CDH23: variants seen among roughly 807,000 people sequenced by gnomAD.
CDH23 encodes cadherin related 23, also known as cadherin-23.
In CDH23, 189 loss-of-function variants were observed where a neutral mutation model predicts 317.1. The ratio of observed to expected loss-of-function variants is 0.60; its 90% CI spans 0.53 to 0.67. The LOEUF is 0.67. Ranked by LOEUF, CDH23 falls within the 30% of genes least tolerant of loss-of-function variation. CDH23 has a pLI of 0.00. For missense variants in CDH23, 4,401 were observed against 4,592.4 expected (o/e 0.96, Z 1.20); for synonymous variants, 1,839 against 1,876.8 (o/e 0.98, Z 0.52).
In CDH23 at chr10:71,815,051, G is replaced by A. The variant is rs555161519; in HGVS notation, c.9838G>A (p.Asp3280Asn). ...HKPPVELKGP[D>N]GIHVVHGSTG... ...GCCACCAGTGGAGCTCAAGGGGCCC[G>A]ATGGGATCCATGTGGTGCACGGCAG... Residue 3280 changes from aspartate (D) to asparagine (N), a missense_variant, in exon 70 of 70, where the codon GAT becomes AAT. Asp to Asn is a conservative substitution (Grantham distance 23, BLOSUM62 1). This residue lies in a region of CDH23 where 1,144 missense variants were observed against 1,138.2 expected (regional missense o/e 1.01). Coordinates refer to ENST00000224721, the MANE Select transcript of CDH23 (RefSeq NM_022124.6). 16 of 1,612,210 alleles carry A rather than the reference G, an allele frequency of 9.9e-6. No homozygotes were observed. Among genetic ancestry groups the A allele is most frequent in the African/African-American group, 2.7e-5 (2 of 74,936 alleles).
chr10:71,594,327 CTG>C (rs1245986042), intron 9 of CDH23, among the ~76,000 whole-genome samples: 3 of 151,050 alleles, frequency 2.0e-5, no homozygotes, highest in African/African-American at 7.3e-5. Context: ...TCCTTCCTTC[CTG>C]TTTCTTTCTT....
chr10:71,716,220 T>C, intron 28 of CDH23: 1 of 1,550,722 alleles, frequency 6.4e-7, no homozygotes, highest in Non-Finnish European at 8.7e-7. Flanking sequence ...GCCAGGGCGA[T>C]GAGCATGGGG....
rs141989111 is a variant in CDH23 at position 71,539,590 on chromosome 10, G to C, written c.430-27152G>C. On this transcript the variant is annotated intron_variant, in intron 6 of 69. Coordinates refer to ENST00000224721, the MANE Select transcript of CDH23 (RefSeq NM_022124.6). ...CCATTTCAAAACCCAATTTGTTCCTGCTGTCTCCTGAGGGCTGCATTGCAA... is the reference window on the plus strand; with the variant it reads ...CCATTTCAAAACCCAATTTGTTCCTCCTGTCTCCTGAGGGCTGCATTGCAA... Among the ~76,000 whole-genome samples, 156 of 152,032 alleles carry C rather than the reference G, an allele frequency of 1.0e-3. No homozygotes were observed. The highest frequency in any genetic ancestry group is 3.5e-3 in the African/African-American group (146 of 41,432).
chr10:71,785,470 G>A (rs147747279), intron 43 of CDH23, among the ~76,000 whole-genome samples, 161 bp from the exon 44 acceptor site: 238 of 152,332 alleles, frequency 1.6e-3, no homozygotes, highest in African/African-American at 5.3e-3. Context: ...GCATGAGTGG[G>A]TCACTCTCGC....
intron 3 of CDH23, among the ~76,000 whole-genome samples, chr10:71,498,901 A>T (rs1185532036): frequency 1.3e-5 from 2 of 152,172 alleles, no homozygotes; most frequent in African/African-American, 4.8e-5. Context: ...ATTAATTTTT[A>T]AAAAATGTGT....
At chr10:71,658,130 C>T (rs757767717) in intron 14 of CDH23, among the ~76,000 whole-genome samples, 21 of 152,190 alleles carry the variant, frequency 1.4e-4, no homozygotes, top group African/African-American at 4.8e-5. Flanking sequence ...CAGTGATTGA[C>T]GGGTCCGGAG....
At chr10:71,680,564 A>G (rs61852037) in intron 17 of CDH23, among the ~76,000 whole-genome samples, 8 of 151,970 alleles carry the variant, frequency 5.3e-5, no homozygotes, top group Non-Finnish European at 8.8e-5. Context: ...CCTGGCCAAC[A>G]TGGTGAAACC....
intron 9 of CDH23, among the ~76,000 whole-genome samples, chr10:71,595,989 C>T (rs147546486): frequency 2.6e-5 from 4 of 152,156 alleles, no homozygotes; most frequent in Admixed American, 1.3e-4. Context: ...CTCCATGGTC[C>T]GTGTGACTCA....
chr10:71,597,206 G>A (rs949476560), intron 9 of CDH23, among the ~76,000 whole-genome samples: 4 of 152,086 alleles, frequency 2.6e-5, no homozygotes, highest in South Asian at 4.1e-4. Context: ...TCCTGGGGCC[G>A]GGAGGGTGGG....
chr10:71,766,566 C>G (rs1840550241), intron 38 of CDH23, among the ~76,000 whole-genome samples: 1 of 152,222 alleles, frequency 6.6e-6, no homozygotes, highest in Non-Finnish European at 1.5e-5. Context: ...TTCATCTTAA[C>G]CTGAGGGCTG....
chr10:71,773,557 G>A (rs1840741511), intron 38 of CDH23: 2 of 974,626 alleles, frequency 2.1e-6, no homozygotes, highest in Admixed American at 3.8e-5. Flanking sequence ...CGGCCCCAGC[G>A]CCGTGCTCCA....
At chr10:71,605,854 A>G (rs1177263287) in intron 9 of CDH23, among the ~76,000 whole-genome samples, 1 of 152,228 alleles carries the variant, frequency 6.6e-6, no homozygotes, top group Non-Finnish European at 1.5e-5. Flanking sequence ...GGGCACATTC[A>G]TGATTATTCC....
chr10:71,674,054 A>G (rs182643837), intron 14 of CDH23, among the ~76,000 whole-genome samples: 133 of 152,358 alleles, frequency 8.7e-4, no homozygotes, highest in Admixed American at 1.9e-3. Context: ...AATCCAACAC[A>G]AGAGGCAGCC....
chr10:71,627,371 GTGATGA>G lies in CDH23; in HGVS notation c.1134+10000_1134+10005del, dbSNP rs67455069. ...AGTTGCCTTCAGTGAGGCCCTTATT[GTGATGA>G]TGATGATGATGATGATGATGAAGAT... On this transcript the variant is annotated intron_variant, in intron 11 of 69. Coordinates refer to ENST00000224721, the MANE Select transcript of CDH23 (RefSeq NM_022124.6). Among the ~76,000 whole-genome samples the G allele has an allele frequency of 2.5e-3, 385 of 151,182 alleles. 5 individuals carry two copies. Among genetic ancestry groups the G allele is most frequent in the Admixed American group, 0.017 (257 of 15,216 alleles).
chr10:71,567,279 G>A (rs1857463901), intron 7 of CDH23, among the ~76,000 whole-genome samples: 1 of 152,220 alleles, frequency 6.6e-6, no homozygotes, highest in South Asian at 2.1e-4. Context: ...GCCTGCTCGG[G>A]TAACTTCCTT....
chr10:71,437,598 A>G (rs866029364), intron 1 of CDH23, among the ~76,000 whole-genome samples: 3 of 152,232 alleles, frequency 2.0e-5, no homozygotes, highest in Non-Finnish European at 4.4e-5. Context: ...TAATGGGAAC[A>G]TATTTCTTGG....
intron 30 of CDH23, among the ~76,000 whole-genome samples, chr10:71,725,979 A>G (rs1866791157): frequency 6.6e-6 from 1 of 152,124 alleles, no homozygotes; most frequent in South Asian, 2.1e-4. Context: ...AATGAAAGTG[A>G]CCCTAATATA....
At chr10:71,627,230 C>T (rs996823684) in intron 11 of CDH23, among the ~76,000 whole-genome samples, 2 of 152,166 alleles carry the variant, frequency 1.3e-5, no homozygotes, top group African/African-American at 4.8e-5. Context: ...GGTTCCTCCC[C>T]CAAGATTTAG....
chr10:71,501,510 C>T (rs1045569126), intron 3 of CDH23, among the ~76,000 whole-genome samples: 5 of 152,230 alleles, frequency 3.3e-5, no homozygotes, highest in Admixed American at 1.3e-4. Flanking sequence ...AGGAGAGAAC[C>T]GGCCAGTGTC....
Sources: allele counts gnomAD v4.1 joint callset (sites outside exome capture counted in the v4.1 genomes callset), GRCh38; gene constraint gnomAD v4.1.1; regional missense constraint gnomAD v4.1.1; transcripts MANE v1.5; gene names NCBI Gene and HGNC (gene_info 2026-07-23, HGNC 2026-07-21).